The following CTNNA3 variants were observed in gnomAD, a reference collection of about 807,000 sequenced individuals.
CTNNA3 encodes the protein catenin alpha 3, also known as catenin alpha-3.
CTNNA3 carries 76 observed loss-of-function variants against 95.7 expected under a neutral mutation model. That is an observed-to-expected ratio of 0.79 (90% CI 0.66 to 0.96). The LOEUF is 0.96. Among genes scored for constraint, CTNNA3 ranks in the 40% least tolerant of loss-of-function variants. CTNNA3 has a pLI of 0.00. For missense variants in CTNNA3, 1,191 were observed against 1,089.8 expected (o/e 1.09, Z -1.31); for synonymous variants, 431 against 374.4 (o/e 1.15, Z -1.74).
intron 5 of CTNNA3, among the ~76,000 whole-genome samples, chr10:67,297,995 G>C (rs1411032125): frequency 6.6e-6 from 1 of 152,128 alleles, no homozygotes; most frequent in Non-Finnish European, 1.5e-5. Flanking sequence ...GAGCCTGCTG[G>C]GCCATAAAAT....
intron 5 of CTNNA3, among the ~76,000 whole-genome samples, chr10:67,480,551 G>A (rs1848178554): frequency 6.6e-6 from 1 of 152,196 alleles, no homozygotes; most frequent in Admixed American, 6.5e-5. Context: ...ACTGCTCAAG[G>A]CGTTCCTAAA....
At chr10:66,051,139 T>C (rs1416648032) in intron 15 of CTNNA3, among the ~76,000 whole-genome samples, 1 of 152,182 alleles carries the variant, frequency 6.6e-6, no homozygotes, top group Non-Finnish European at 1.5e-5. Flanking sequence ...CCTCCCAAAG[T>C]GCTGAGAATA....
At chr10:67,225,057 C>T (rs1295800633) in intron 5 of CTNNA3, among the ~76,000 whole-genome samples, 1 of 152,018 alleles carries the variant, frequency 6.6e-6, no homozygotes, top group Non-Finnish European at 1.5e-5. Flanking sequence ...TGAGACCAGC[C>T]CTTTGGTTTG....
chr10:67,738,688 G>GAA (rs528909894), intron 1 of CTNNA3, among the ~76,000 whole-genome samples: 1 of 143,218 alleles, frequency 7.0e-6, no homozygotes. Flanking sequence ...TTAAAACCTT[G>GAA]AAAAAAAAAA....
In CTNNA3 at chr10:66,280,579, G is replaced by C. The variant is rs768797369; in HGVS notation, c.1775C>G (p.Ala592Gly). ...FVTQVNVALE[A>G]LSKSSLNVLD... ...CACATTCAATGAGCTTTTGCTTAAG[G>C]CTTCCAAGGCAACATTCACTTGTGT... The change falls in exon 13 of 18, where the codon GCC becomes GGC. Residue 592 changes from alanine to glycine, a missense_variant. Coordinates refer to ENST00000433211, the MANE Select transcript of CTNNA3 (RefSeq NM_013266.4). 8.7e-6 allele frequency: 14 copies of C among 1,608,120 alleles called. No homozygotes were observed. In the South Asian group the frequency reaches 1.4e-4, roughly 16 times the overall value.
intron 5 of CTNNA3, among the ~76,000 whole-genome samples, chr10:67,436,585 C>T (rs775380880): frequency 2.0e-5 from 3 of 152,006 alleles, no homozygotes; most frequent in African/African-American, 4.8e-5. Flanking sequence ...TGACAAAGGA[C>T]TAATATCCAG....
intron 12 of CTNNA3, among the ~76,000 whole-genome samples, chr10:66,378,159 G>C (rs1589161154): frequency 6.6e-6 from 1 of 152,106 alleles, no homozygotes; most frequent in South Asian, 2.1e-4. Context: ...CTGTTGGTTT[G>C]TTTCTCTTAA....
Position 67,451,994 on chromosome 10 carries a change from C to T in CTNNA3, c.579+69848G>A, listed in dbSNP as rs76482502. Among the ~76,000 whole-genome samples, 196 of 138,656 alleles carry T rather than the reference C, an allele frequency of 1.4e-3. 3 individuals are homozygous for T. The East Asian group carries it at 0.027, about 19-fold the overall frequency. 91.0% of individuals were successfully genotyped at this position (138,656 alleles called of 152,430 possible). ...ACATGCAAACACATAGTTAGAGTTC[C>T]GAAGGAAATAAGGAAGGAAGAATAG... is the stretch of plus-strand genomic sequence containing the variant. On this transcript the variant is annotated intron_variant, in intron 5 of 17. Coordinates refer to ENST00000433211, the MANE Select transcript of CTNNA3 (RefSeq NM_013266.4).
chr10:67,105,123 C>T (rs1323149266), intron 7 of CTNNA3, among the ~76,000 whole-genome samples: 1 of 151,888 alleles, frequency 6.6e-6, no homozygotes, highest in Admixed American at 6.6e-5. Flanking sequence ...AACTAAGACC[C>T]ATTATTAAAA....
intron 13 of CTNNA3, among the ~76,000 whole-genome samples, chr10:66,153,213 A>T (rs760835663): frequency 6.6e-6 from 1 of 151,740 alleles, no homozygotes; most frequent in Non-Finnish European, 1.5e-5. Context: ...TTTCCTATTT[A>T]TTTATTAAGT....
At chr10:66,082,642 T>C (rs1253678996) in intron 14 of CTNNA3, among the ~76,000 whole-genome samples, 1 of 151,962 alleles carries the variant, frequency 6.6e-6, no homozygotes, top group Non-Finnish European at 1.5e-5. Context: ...ATGCAAGTTG[T>C]TAACATTAGG....
At chr10:66,879,621 A>T (rs183353834) in intron 7 of CTNNA3, among the ~76,000 whole-genome samples, 1 of 152,088 alleles carries the variant, frequency 6.6e-6, no homozygotes, top group Non-Finnish European at 1.5e-5. Context: ...ACCCATGAAG[A>T]GTTAAGTAAT....
At chr10:67,542,791 G>A (rs1014008001) in intron 3 of CTNNA3, among the ~76,000 whole-genome samples, 3 of 152,050 alleles carry the variant, frequency 2.0e-5, no homozygotes, top group African/African-American at 7.2e-5. Context: ...TATTGACAAC[G>A]ACAGCTGGTT....
At chr10:66,633,062 G>C (rs1037858217) in intron 9 of CTNNA3, among the ~76,000 whole-genome samples, 1 of 152,052 alleles carries the variant, frequency 6.6e-6, no homozygotes, top group East Asian at 1.9e-4. Context: ...TGAGAATATG[G>C]GGATACAACT....
rs117425694 is a variant in CTNNA3 at position 67,715,634 on chromosome 10, G to A, written c.-2+47800C>T. 4.3e-4 allele frequency among the ~76,000 whole-genome samples: 66 copies of A among 152,246 alleles called. No individual in the cohort carries two copies. The East Asian group carries it at 0.012, about 28-fold the overall frequency. ...TTCCCTATTTCAGGTGGTTCATCTGGAAACTGGCAAGAATTAGACAAGGAG... is the reference window on the plus strand; with the variant it reads ...TTCCCTATTTCAGGTGGTTCATCTGAAAACTGGCAAGAATTAGACAAGGAG... On this transcript the variant is annotated intron_variant, in intron 1 of 17. Coordinates refer to the CTNNA3 transcript ENST00000684154.
chr10:66,509,424 T>C (rs1427320505), intron 11 of CTNNA3, among the ~76,000 whole-genome samples: 1 of 152,076 alleles, frequency 6.6e-6, no homozygotes, highest in Non-Finnish European at 1.5e-5. Context: ...TTTGTGGTCT[T>C]AACCATAAAG....
At chr10:67,700,028 A>G (rs945835750), upstream of CTNNA3, among the ~76,000 whole-genome samples, 3 of 152,240 alleles carry the variant, frequency 2.0e-5, no homozygotes, top group African/African-American at 4.8e-5. Context: ...TTGCTAGCAC[A>G]GCAGTCTGAG....
intron 5 of CTNNA3, among the ~76,000 whole-genome samples, chr10:67,355,915 GC>G (rs1842791057): frequency 6.6e-6 from 1 of 151,804 alleles, no homozygotes; most frequent in South Asian, 2.1e-4. Context: ...CCTTCTCCCA[GC>G]CTCCACACCA....
intron 7 of CTNNA3, among the ~76,000 whole-genome samples, chr10:67,030,249 A>G (rs1853634270): frequency 6.6e-6 from 1 of 152,222 alleles, no homozygotes; most frequent in South Asian, 2.1e-4. Flanking sequence ...GCTCTACATA[A>G]TGGTGCTCTG....
Sources: gnomAD v4.1 joint callset for allele counts (sites outside exome capture counted in the v4.1 genomes callset) on GRCh38, gnomAD v4.1.1 for gene constraint, MANE v1.5 for transcripts, NCBI Gene and HGNC (gene_info 2026-07-23, HGNC 2026-07-21) for gene names.